Variants in ZNF273 observed in about 807,000 individuals in gnomAD.
ZNF273 encodes the protein zinc finger protein 273, also known as zinc finger protein 9.
In ZNF273, 11 loss-of-function variants were observed where a neutral mutation model predicts 14.9. The observed-to-expected ratio is 0.74, with a 90% CI of 0.46 to 1.22. ZNF273 has a LOEUF of 1.22. Among genes scored for constraint, ZNF273 ranks in the 50% most tolerant of loss-of-function variants. ZNF273 has a pLI of 0.00. For synonymous variants in ZNF273, 199 were observed against 223.9 expected (o/e 0.89, Z 0.99); for missense variants, 577 against 660.6 (o/e 0.87, Z 1.39).
intron 1 of ZNF273, among the ~76,000 whole-genome samples, chr7:64,915,150 C>T (rs544687279): frequency 5.1e-4 from 78 of 152,290 alleles, no homozygotes; most frequent in Admixed American, 9.2e-4. Flanking sequence ...TTCTCTACAT[C>T]GTGGCTTCTT....
intron 3 of ZNF273, among the ~76,000 whole-genome samples, chr7:64,927,019 C>A (rs557605011): frequency 6.6e-6 from 1 of 152,074 alleles, no homozygotes; most frequent in Non-Finnish European, 1.5e-5. Flanking sequence ...CTGGAAAGGC[C>A]CCTAGAAGTC....
chr7:64,933,463 T>A (rs1427157105), downstream of ZNF273: 3 of 152,172 alleles, frequency 2.0e-5, no homozygotes, highest in Non-Finnish European at 4.4e-5. Flanking sequence ...CAGAATGGTG[T>A]CATGGGACCA....
chr7:64,895,821 A>G (rs1179383674), intron 3 of ZNF273, among the ~76,000 whole-genome samples: 1 of 152,204 alleles, frequency 6.6e-6, no homozygotes, highest in Admixed American at 6.5e-5. Context: ...AGAGTCTGCT[A>G]TTACCCAAGA....
chr7:64,889,672 C>T, downstream of ZNF273: 3 of 985,906 alleles, frequency 3.0e-6, no homozygotes, highest in Non-Finnish European at 3.6e-6. The surrounding 1 kb of genome is among the most constrained non-coding windows in gnomAD (Gnocchi z 4.2). Flanking sequence ...AACCGTCGCC[C>T]TGGGGCCCCT....
chr7:64,928,428 T>C lies in ZNF273; in HGVS notation c.1100T>C (p.Ile367Thr). 1 of 1,613,568 alleles carries C rather than the reference T, an allele frequency of 6.2e-7. No individual in the cohort carries two copies. Among genetic ancestry groups the C allele is most frequent in the African/African-American group, 1.3e-5 (1 of 74,964 alleles). The part of the protein sequence containing the change: ...WSSTLTKHKR[I>T]HTGEKPYKCE... ...TCAACTCTTACTAAACATAAGAGAA[T>C]TCATACTGGAGAGAAACCCTACAAA... Residue 367 changes from isoleucine (I) to threonine (T), a missense_variant, in exon 4 of 4, where the codon ATT becomes ACT. By Grantham distance (89) the Ile-to-Thr change is moderately conservative. Around this residue, in one of 3 missense-constraint regions of ZNF273, gnomAD observed 411 missense variants for 440.4 expected, o/e 0.93. Transcript: ENST00000476120.
upstream of ZNF273, chr7:64,903,103 T>G: frequency 2.2e-6 from 1 of 456,218 alleles, no homozygotes; most frequent in Non-Finnish European, 4.0e-6. Context: ...GCAGTTTAGG[T>G]TTCATTCTAT....
At chr7:64,889,051 G>T (rs1231318703), downstream of ZNF273, 4 of 985,872 alleles carry the variant, frequency 4.1e-6, no homozygotes, top group African/African-American at 7.0e-5. This position sits in a 1 kb window ranked among gnomAD's most constrained non-coding sequence, Gnocchi z 4.2. Context: ...AGGAAGCGAA[G>T]AACGTTTCTC....
At chr7:64,899,914 C>T (rs1265120900), upstream of ZNF273, among the ~76,000 whole-genome samples, 1 of 150,932 alleles carries the variant, frequency 6.6e-6, no homozygotes, top group African/African-American at 2.4e-5. Flanking sequence ...GCATGCGCCA[C>T]CAAGCCTGGC....
chr7:64,909,454 C>T (rs1232248587), intron 1 of ZNF273, among the ~76,000 whole-genome samples: 1 of 152,010 alleles, frequency 6.6e-6, no homozygotes, highest in Non-Finnish European at 1.5e-5. Context: ...GTCTCCAACT[C>T]CTGACCTCAA....
intron 3 of ZNF273, among the ~76,000 whole-genome samples, chr7:64,922,242 A>C (rs1208127926): frequency 6.6e-6 from 1 of 151,664 alleles, no homozygotes; most frequent in Admixed American, 6.6e-5. Context: ...TTCCAAACTC[A>C]GATGATTCTA....
At chr7:64,936,523 A>G in the ZNF273 span, among the ~76,000 whole-genome samples, 2 of 152,174 alleles carry the variant, frequency 1.3e-5, no homozygotes, top group African/African-American at 4.8e-5. Flanking sequence ...ATTATAATAA[A>G]ATTTGATGTA....
upstream of ZNF273, among the ~76,000 whole-genome samples, chr7:64,903,023 A>G (rs1252888034): frequency 1.3e-5 from 2 of 152,178 alleles, no homozygotes; most frequent in African/African-American, 4.8e-5. Flanking sequence ...CCTTATACAC[A>G]AGGTTAAATG....
chr7:64,892,590 G>C (rs1792103493), downstream of ZNF273, among the ~76,000 whole-genome samples: 1 of 152,188 alleles, frequency 6.6e-6, no homozygotes, highest in African/African-American at 2.4e-5. Flanking sequence ...ACACAAGAGT[G>C]AGGTTAAGAG....
At position 64,927,898 on chromosome 7, in the gene ZNF273, C is replaced by T. The variant is rs759921279; in HGVS notation, c.570C>T (p.Phe190=). ...AATATGTTAAAGTCCTTCATAAATTCTCAAATTCAAATATACATAAGAAAA... is the reference window on the plus strand; with the variant it reads ...AATATGTTAAAGTCCTTCATAAATTTTCAAATTCAAATATACATAAGAAAA... ...CDKYVKVLHK[F]SNSNIHKKRQ... The change falls in exon 4 of 4, where the codon TTC becomes TTT. Residue 190 remains phenylalanine (F), a synonymous_variant. Coordinates refer to ENST00000476120, the MANE Select transcript of ZNF273 (RefSeq NM_021148.3). The T allele has an allele frequency of 6.2e-7, 1 of 1,610,482 alleles. No individual in the cohort carries two copies. Among genetic ancestry groups the T allele is most frequent in the Non-Finnish European group, 8.5e-7 (1 of 1,178,872 alleles).
chr7:64,921,636 T>TTTTTTTTTTGTG (rs1554388712), intron 3 of ZNF273, among the ~76,000 whole-genome samples: 1 of 33,964 alleles, frequency 2.9e-5, no homozygotes. Flanking sequence ...TTTTTTTTTT[T>TTTTTTTTTTGTG]TGTGTGTGAG....
At chr7:64,922,101 C>T (rs764556676) in intron 3 of ZNF273, among the ~76,000 whole-genome samples, 2 of 150,056 alleles carry the variant, frequency 1.3e-5, no homozygotes, top group Admixed American at 1.3e-4. Flanking sequence ...TCTTAAGCCA[C>T]TCTGGCATTC....
chr7:64,888,893 G>A, downstream of ZNF273: 2 of 984,836 alleles, frequency 2.0e-6, no homozygotes, highest in Non-Finnish European at 2.4e-6. Flanking sequence ...CGGAGGCCCT[G>A]AGTGCCAGAG....
chr7:64,918,659 C>CAAAAAAAA (rs1171857179), intron 3 of ZNF273, among the ~76,000 whole-genome samples: 7 of 80,054 alleles, frequency 8.7e-5, no homozygotes, highest in African/African-American at 3.5e-4. Context: ...GACTCCATCT[C>CAAAAAAAA]AAAAAAAAAA....
chr7:64,910,771 T>A (rs1375364514), intron 1 of ZNF273, among the ~76,000 whole-genome samples: 3 of 151,298 alleles, frequency 2.0e-5, no homozygotes, highest in African/African-American at 7.3e-5. Flanking sequence ...AATTTATTTT[T>A]TTTTTTTTTT....
Sources: gnomAD v4.1 joint callset for allele counts (sites outside exome capture counted in the v4.1 genomes callset) on GRCh38, gnomAD v4.1.1 for gene constraint, gnomAD v4.1.1 regional missense constraint, Gnocchi (gnomAD v3.1) non-coding constraint, MANE v1.5 for transcripts, NCBI Gene and HGNC (gene_info 2026-07-23, HGNC 2026-07-21) for gene names.